The following ZCRB1 variants were observed in gnomAD, a reference collection of about 807,000 sequenced individuals.
ZCRB1 encodes zinc finger CCHC-type and RNA binding motif containing 1.
Under a neutral mutation model 29.9 loss-of-function variants are expected in ZCRB1, and 21 were observed. The ratio of observed to expected loss-of-function variants is 0.70; its 90% CI spans 0.50 to 1.01. The LOEUF is 1.01. Ranked by LOEUF, ZCRB1 falls within the 50% of genes least tolerant of loss-of-function variation. The pLI, the probability that ZCRB1 is intolerant of heterozygous loss-of-function variation, is 0.00. For synonymous variants in ZCRB1, 77 were observed against 80.0 expected (o/e 0.96, Z 0.20); for missense variants, 204 against 253.3 (o/e 0.81, Z 1.32).
chr12:42,324,082 T>A lies in ZCRB1; in HGVS notation c.21A>T (p.Pro7=), dbSNP rs1268703995. 1.2e-6 allele frequency: 2 copies of A among 1,614,180 alleles called. No homozygotes were observed. Among genetic ancestry groups the A allele is most frequent in the Non-Finnish European group, 1.7e-6 (2 of 1,180,002 alleles). Residue 7 remains proline (P), a synonymous_variant, in exon 2 of 8, where the codon CCA becomes CCT. Coordinates refer to ENST00000266529, the MANE Select transcript of ZCRB1 (RefSeq NM_033114.4). MSGGLA[P]SKSTVYVSNL... is the part of the protein sequence containing the mutation. The stretch of plus-strand genomic sequence containing the variant: ...TGGATACATACACTGTGCTCTTACT[T>A]GGAGCCAATCCACCACTCATTTCTA...
intron 3 of ZCRB1, among the ~76,000 whole-genome samples, chr12:42,319,061 T>C (rs1054188406): frequency 1.3e-5 from 2 of 152,162 alleles, no homozygotes; most frequent in Non-Finnish European, 2.9e-5. Context: ...GACAGAAATA[T>C]TGAATAAGGT....
At chr12:42,320,156 T>C (rs976288816) in intron 3 of ZCRB1, among the ~76,000 whole-genome samples, 1 of 152,208 alleles carries the variant, frequency 6.6e-6, no homozygotes, top group African/African-American at 2.4e-5. Context: ...ATGATGTACT[T>C]ATTTAAGCAC....
In ZCRB1 at chr12:42,317,776, G is replaced by C. The variant is rs2068601697; in HGVS notation, c.225+11C>G. The C allele has an allele frequency of 1.2e-6, 2 of 1,609,732 alleles. No individual in the cohort carries two copies. Among genetic ancestry groups the C allele is most frequent in the Non-Finnish European group, 1.7e-6 (2 of 1,178,210 alleles). ...TGGGGCTAAAAACCTTGATGGAGAT[G>C]AATAGCTTACCTGTTTGTTGTTTAT... On this transcript the variant is annotated intron_variant, in intron 4 of 7. Coordinates refer to ENST00000266529, the MANE Select transcript of ZCRB1 (RefSeq NM_033114.4).
Position 42,313,219 on chromosome 12 carries a change from C to T in ZCRB1, c.523-21G>A, listed in dbSNP as rs745997050. On this transcript the variant is annotated intron_variant, in intron 7 of 7. Transcript: ENST00000266529. ...GCTTGCTGTGATTCAAAAAACAAAA[C>T]AAAACCAATAACCTGTTTAATATTA... 3 of 1,597,782 alleles carry T rather than the reference C, an allele frequency of 1.9e-6. No individual in the cohort carries two copies. In the South Asian group the frequency reaches 3.4e-5, roughly 18 times the overall value.
chr12:42,324,165 TGAGACGGA>T, intron 1 of ZCRB1, 61 bp from the exon 2 acceptor site: 1 of 1,498,292 alleles, frequency 6.7e-7, no homozygotes, highest in South Asian at 1.1e-5. Flanking sequence ...TTTTGTTGTT[TGAGACGGA>T]GTTTCCCTCT....
chr12:42,316,481 A>T (rs1444996885), intron 5 of ZCRB1, among the ~76,000 whole-genome samples: 1 of 152,020 alleles, frequency 6.6e-6, no homozygotes, highest in Non-Finnish European at 1.5e-5. Flanking sequence ...ACCAATACAG[A>T]CCTTATACAA....
chr12:42,319,872 GTTCA>G (rs2068612798), intron 3 of ZCRB1, among the ~76,000 whole-genome samples: 1 of 152,184 alleles, frequency 6.6e-6, no homozygotes, highest in South Asian at 2.1e-4. Flanking sequence ...CATTGTGTGT[GTTCA>G]TTCATTCGGT....
chr12:42,313,413 T>G (rs2068578860), intron 7 of ZCRB1, among the ~76,000 whole-genome samples: 1 of 152,170 alleles, frequency 6.6e-6, no homozygotes, highest in Non-Finnish European at 1.5e-5. Context: ...AAATCTTTTC[T>G]GTTGGGCTAT....
intron 5 of ZCRB1, 60 bp downstream of exon 5, chr12:42,317,280 G>T: frequency 8.2e-7 from 1 of 1,224,054 alleles, no homozygotes; most frequent in South Asian, 1.4e-5. Context: ...AAAAATAAAA[G>T]ACTGATGTGA....
At chr12:42,321,268 A>G (rs1311054014) in intron 3 of ZCRB1, among the ~76,000 whole-genome samples, 1 of 152,218 alleles carries the variant, frequency 6.6e-6, no homozygotes, top group Non-Finnish European at 1.5e-5. Flanking sequence ...CAGAGATTCT[A>G]ACAAAGTGGA....
Position 42,320,022 on chromosome 12 carries a change from C to A in ZCRB1, c.114-2124G>T, listed in dbSNP as rs116699882. On this transcript the variant is annotated intron_variant, in intron 3 of 7. Transcript: ENST00000266529. ...ATCATACAATACTTTGATAGAGATA[C>A]CTTCTGTGGTAACAGAAAAAAAAAA... 5.8e-3 allele frequency among the ~76,000 whole-genome samples: 879 copies of A among 152,094 alleles called. 7 individuals carry two copies. Among genetic ancestry groups the A allele is most frequent in the African/African-American group, 0.02 (841 of 41,466 alleles).
At chr12:42,317,963 A>G (rs2068602983) in intron 3 of ZCRB1, 65 bp from the exon 4 acceptor site, 1 of 1,317,408 alleles carries the variant, frequency 7.6e-7, no homozygotes, top group East Asian at 2.3e-5. Context: ...TAATACTTGA[A>G]AAATTCATTT....
At chr12:42,321,188 A>G (rs1272162132) in intron 3 of ZCRB1, among the ~76,000 whole-genome samples, 1 of 152,190 alleles carries the variant, frequency 6.6e-6, no homozygotes, top group East Asian at 1.9e-4. Context: ...CTAGGTGCTT[A>G]TAACTCTCGT....
In ZCRB1 at chr12:42,313,154, T is replaced by C. The variant is rs753467737; in HGVS notation, c.567A>G (p.Ser189=). ...EEEQKKWKPS[S]GVPSTSDDSR... ...AATCATCTGATGTTGAGGGGACTCC[T>C]GAACTGGGTTTCCATTTTTTTTGTT... Residue 189 remains serine, a synonymous_variant, in exon 8 of 8, where the codon TCA becomes TCG. Transcript: ENST00000266529. 9 of 1,612,260 alleles carry C rather than the reference T, an allele frequency of 5.6e-6. No homozygotes were observed. Among genetic ancestry groups the C allele is most frequent in the Non-Finnish European group, 6.8e-6 (8 of 1,179,276 alleles).
At chr12:42,317,043 C>A (rs936079807) in intron 5 of ZCRB1, among the ~76,000 whole-genome samples, 2 of 151,908 alleles carry the variant, frequency 1.3e-5, no homozygotes, top group Non-Finnish European at 2.9e-5. Context: ...CCTGCCTCTA[C>A]AAAAAAATTT....
At chr12:42,315,679 T>G (rs1199282679) in intron 5 of ZCRB1, among the ~76,000 whole-genome samples, 1 of 152,146 alleles carries the variant, frequency 6.6e-6, no homozygotes, top group East Asian at 1.9e-4. Context: ...AAGGAACCGA[T>G]TAACAGATTC....
chr12:42,317,645 C>T (rs2068601172), intron 4 of ZCRB1, 142 bp downstream of exon 4: 1 of 807,548 alleles, frequency 1.2e-6, no homozygotes, highest in Non-Finnish European at 1.9e-6. Flanking sequence ...GTAGTTTGAC[C>T]TCTTTTCTTT....
At chr12:42,321,696 G>A (rs1387287113) in intron 3 of ZCRB1, among the ~76,000 whole-genome samples, 2 of 152,158 alleles carry the variant, frequency 1.3e-5, no homozygotes, top group African/African-American at 2.4e-5. Flanking sequence ...TGGAACACTA[G>A]AAGAAATTAG....
rs1284518196 is a variant in ZCRB1, at chr12:42,322,063, C to T, written c.113+355G>A. ...TGAAAAAAAACAAAACAAAAAACCA[C>T]CTATTTATTTGAAAGTAGGTTACTT... On this transcript the variant is annotated intron_variant, in intron 3 of 7. Transcript: ENST00000266529. Among the ~76,000 whole-genome samples, 5 of 152,086 alleles carry T rather than the reference C, an allele frequency of 3.3e-5. No homozygotes were observed. The South Asian group carries it at 6.2e-4, about 19-fold the overall frequency.
Sources: allele counts gnomAD v4.1 joint callset (sites outside exome capture counted in the v4.1 genomes callset), GRCh38; gene constraint gnomAD v4.1.1; transcripts MANE v1.5; gene names NCBI Gene and HGNC (gene_info 2026-07-23, HGNC 2026-07-21).